The following AGO4 variants were observed in gnomAD, a reference collection of about 807,000 sequenced individuals.
AGO4 encodes the protein protein argonaute-4.
A neutral mutation model predicts 104.7 loss-of-function variants in AGO4; 33 were observed. That is an observed-to-expected ratio of 0.32 (90% CI 0.24 to 0.42). The LOEUF (loss-of-function observed/expected upper bound fraction) is 0.42. Among genes scored for constraint, AGO4 ranks in the 10% least tolerant of loss-of-function variants. The pLI is 1.00. For missense variants in AGO4, 711 were observed against 1,083.4 expected, an observed-to-expected ratio of 0.66 and a Z score of 4.83; for synonymous variants, 331 against 364.7, an observed-to-expected ratio of 0.91 and a Z score of 1.05.
intron 1 of AGO4, among the ~76,000 whole-genome samples, chr1:35,813,281 C>T (rs529899730): frequency 2.0e-4 from 30 of 151,986 alleles, no homozygotes; most frequent in Non-Finnish European, 3.7e-4. Context: ...TGGCAGCATG[C>T]GCCTGTAGTC....
rs547183301 is a variant in AGO4 at position 35,808,650 on chromosome 1, G to T, written c.19+215G>T. On this transcript the variant is annotated intron_variant, in intron 1 of 17. Coordinates refer to ENST00000373210, the MANE Select transcript of AGO4 (RefSeq NM_017629.4). This position sits in a 1 kb window ranked among gnomAD's most constrained non-coding sequence, Gnocchi z 5.2. ...CCGTTGGGTGGATCCCGAGGTCCAG[G>T]GGGGAGGTTCGGGAAGGTGACCGGC... 6.6e-6 allele frequency among the ~76,000 whole-genome samples: 1 copy of T among 152,112 alleles called. No individual in the cohort carries two copies. The highest frequency in any genetic ancestry group is 1.9e-4 in the East Asian group (1 of 5,150).
intron 8 of AGO4, 31 bp downstream of exon 8, chr1:35,831,605 G>T: frequency 6.2e-7 from 1 of 1,605,850 alleles, no homozygotes; most frequent in Non-Finnish European, 8.5e-7. Flanking sequence ...CCAATTTGCT[G>T]ATCTCTTGAA....
intron 13 of AGO4, among the ~76,000 whole-genome samples, chr1:35,838,632 A>C (rs561665421): frequency 3.3e-5 from 5 of 152,258 alleles, no homozygotes; most frequent in Admixed American, 6.5e-5. Flanking sequence ...TTGACTCTAG[A>C]GTAAGCAAAC....
intron 2 of AGO4, among the ~76,000 whole-genome samples, chr1:35,819,388 G>A (rs1395113429): frequency 6.6e-6 from 1 of 151,732 alleles, no homozygotes; most frequent in Non-Finnish European, 1.5e-5. Flanking sequence ...TTGAAGCCAG[G>A]AGTTTGCAGC....
At chr1:35,827,790 C>CTTTTTTTTTTTTTTTTTTTTTTTTTTT (rs142432459) in intron 7 of AGO4, among the ~76,000 whole-genome samples, 3 of 103,850 alleles carry the variant, frequency 2.9e-5, no homozygotes, top group Non-Finnish European at 3.8e-5. Context: ...TGTTGTTATT[C>CTTTTTTTTTTTTTTTTTTTTTTTTTTT]TTTTTTTTTT....
At chr1:35,809,427 CG>C (rs149523155) in intron 1 of AGO4, among the ~76,000 whole-genome samples, 1 of 152,236 alleles carries the variant, frequency 6.6e-6, no homozygotes, top group East Asian at 1.9e-4. Flanking sequence ...CTTTTTAGTG[CG>C]TAGAAAATTC....
intron 15 of AGO4, among the ~76,000 whole-genome samples, chr1:35,847,549 G>A (rs2148685290): frequency 6.6e-6 from 1 of 152,288 alleles, no homozygotes; most frequent in African/African-American, 2.4e-5. Context: ...GTTTACAAAT[G>A]TGTACTGGGC....
At chr1:35,853,386 A>G (rs1644752404) in intron 17 of AGO4, 111 bp from the exon 18 acceptor site, 1 of 746,934 alleles carries the variant, frequency 1.3e-6, no homozygotes, top group Non-Finnish European at 2.2e-6. Context: ...AAACGTGTGA[A>G]GTTTGAAGTG....
chr1:35,832,409 CTTCTTCTTCT>C lies in AGO4; in HGVS notation c.1246-25_1246-16del. 3 of 1,539,124 alleles carry C rather than the reference CTTCTTCTTCT, an allele frequency of 1.9e-6. No individual in the cohort carries two copies. In the South Asian group the frequency reaches 3.7e-5, roughly 19 times the overall value. ...CTCTTTTCTTTTGTTTCTTCTTCTT[CTTCTTCTTCT>C]TTTTTTTTTTTTCAAAGAATAAAAC... is the stretch of plus-strand genomic sequence containing the variant. On this transcript the variant is annotated intron_variant, in intron 10 of 17. Transcript: ENST00000373210.
Position 35,822,850 on chromosome 1 carries a change from A to G in AGO4, c.186-12A>G, listed in dbSNP as rs546969555. On this transcript the variant is annotated splice_polypyrimidine_tract_variant and intron_variant, in intron 2 of 17. Coordinates refer to ENST00000373210, the MANE Select transcript of AGO4 (RefSeq NM_017629.4). ...CTGAAAGCTAACTGCCATTATCTCC[A>G]TTACTGTGAAGGGAGGTAGTAGATA... 5 of 1,613,782 alleles carry G rather than the reference A, an allele frequency of 3.1e-6. No individual in the cohort carries two copies. The South Asian group carries it at 3.3e-5, about 11-fold the overall frequency.
rs113009883 is a variant in AGO4 at position 35,840,595 on chromosome 1, G to C, written c.1725-570G>C. On this transcript the variant is annotated intron_variant, in intron 13 of 17. Transcript: ENST00000373210. Reference sequence around the variant, plus strand: ...ATTACAGGCGTGAGCCACCACGCCCGGCCTCTTTTCTTTTTTTAAAGACAA... The same window carrying C: ...ATTACAGGCGTGAGCCACCACGCCCCGCCTCTTTTCTTTTTTTAAAGACAA... 1.2e-4 allele frequency among the ~76,000 whole-genome samples: 18 copies of C among 151,324 alleles called. No individual in the cohort carries two copies. The East Asian group carries it at 3.4e-3, about 28-fold the overall frequency.
intron 2 of AGO4, among the ~76,000 whole-genome samples, chr1:35,817,423 A>G (rs1011383107): frequency 6.6e-6 from 1 of 152,158 alleles, no homozygotes; most frequent in Non-Finnish European, 1.5e-5. Context: ...ATATATATAT[A>G]TATATCAATA....
rs1315428894 is a variant in AGO4 at position 35,853,919 on chromosome 1, T to C, written c.*314T>C. ...CAAGAAGGGTTTCTATGGAATATTT[T>C]GCTAGCTGTGGTGTTCACCGCATCC... is the stretch of plus-strand genomic sequence containing the variant. On this transcript the variant is annotated 3_prime_UTR_variant, in exon 18 of 18. Transcript: ENST00000373210. 4.9e-6 allele frequency: 1 copy of C among 205,112 alleles called. No individual in the cohort carries two copies. Among genetic ancestry groups the C allele is most frequent in the African/African-American group, 2.3e-5 (1 of 43,238 alleles). 12.7% of individuals were successfully genotyped at this position (205,112 alleles called of 1,614,324 possible).
intron 7 of AGO4, among the ~76,000 whole-genome samples, chr1:35,830,773 C>T (rs1229173353): frequency 6.6e-6 from 1 of 151,656 alleles, no homozygotes; most frequent in Non-Finnish European, 1.5e-5. Context: ...GTCGGGAGTT[C>T]TAGATCAGCC....
rs567438538 is a variant in AGO4 at position 35,808,829 on chromosome 1, C to T, written c.19+394C>T. The stretch of plus-strand genomic sequence containing the variant: ...ACCGGGAAAAGGGCCCCGCTGCCTA[C>T]TACCAGCCGGTAGTCCTGGTTTGGG... On this transcript the variant is annotated intron_variant, in intron 1 of 17. Transcript: ENST00000373210. The surrounding 1 kb of genome is among the most constrained non-coding windows in gnomAD (Gnocchi z 5.2). 6.6e-6 allele frequency among the ~76,000 whole-genome samples: 1 copy of T among 152,242 alleles called. No homozygotes were observed. The highest frequency in any genetic ancestry group is 1.5e-5 in the Non-Finnish European group (1 of 68,048).
At chr1:35,832,214 T>C in intron 10 of AGO4, 29 bp downstream of exon 10, 1 of 1,607,776 alleles carries the variant, frequency 6.2e-7, no homozygotes, top group Non-Finnish European at 8.5e-7. Flanking sequence ...TCAGCAAGCT[T>C]CTTCCACAAC....
chr1:35,851,234 G>C, intron 17 of AGO4, 181 bp downstream of exon 17: 1 of 643,840 alleles, frequency 1.6e-6, no homozygotes, highest in Non-Finnish European at 2.6e-6. Context: ...AAGTGCTCAG[G>C]CTTGTTTATA....
chr1:35,815,144 C>T (rs762995759), intron 1 of AGO4, among the ~76,000 whole-genome samples: 4 of 152,154 alleles, frequency 2.6e-5, no homozygotes, highest in Non-Finnish European at 5.9e-5. Context: ...TCCCGAAGTG[C>T]TGGGATTACA....
In AGO4 at chr1:35,849,518, CAA is replaced by C. The variant is rs754902083; in HGVS notation, c.2176-620_2176-619del. On this transcript the variant is annotated intron_variant, in intron 15 of 17. Coordinates refer to ENST00000373210, the MANE Select transcript of AGO4 (RefSeq NM_017629.4). ...GGCAACAAAATTAGACCCCGTGTCT[CAA>C]AAAAAAAAAAAAAAAAAAGCCAGAC... Among the ~76,000 whole-genome samples, 270 of 59,398 alleles carry C rather than the reference CAA, an allele frequency of 4.5e-3. 1 individual carries two copies. The highest frequency in any genetic ancestry group is 0.014 in the African/African-American group (240 of 17,320). The allele number at this position is 59,398 out of a possible 152,430, so 39.0% of individuals were successfully genotyped here.
Sources: gnomAD v4.1 joint callset for allele counts (sites outside exome capture counted in the v4.1 genomes callset) on GRCh38, gnomAD v4.1.1 for gene constraint, Gnocchi (gnomAD v3.1) non-coding constraint, MANE v1.5 for transcripts, NCBI Gene and HGNC (gene_info 2026-07-23, HGNC 2026-07-21) for gene names.